The following CRIM1 variants were observed in gnomAD, a reference collection of about 807,000 sequenced individuals.
CRIM1 encodes the protein cysteine rich transmembrane BMP regulator 1.
CRIM1 carries 32 observed loss-of-function variants against 116.4 expected under a neutral mutation model. The observed-to-expected ratio is 0.27, with a 90% CI of 0.21 to 0.37. CRIM1 has a LOEUF of 0.37. CRIM1 is among the 10% of genes least tolerant of loss of function. CRIM1 has a pLI of 1.00. For missense variants in CRIM1, 1,331 were observed against 1,354.8 expected, an observed-to-expected ratio of 0.98 and a Z score of 0.28; for synonymous variants, 590 against 509.2, an observed-to-expected ratio of 1.16 and a Z score of -2.13.
chr2:36,535,113 G>T (rs563239457), intron 13 of CRIM1, among the ~76,000 whole-genome samples: 70 of 126,706 alleles, frequency 5.5e-4, no homozygotes, highest in African/African-American at 2.3e-3. Context: ...GAGAGGGAAG[G>T]AGGGAGGGAG....
At chr2:36,427,007 C>T (rs1368431006) in intron 2 of CRIM1, among the ~76,000 whole-genome samples, 1 of 151,968 alleles carries the variant, frequency 6.6e-6, no homozygotes, top group Non-Finnish European at 1.5e-5. Context: ...TCAAGACCAG[C>T]CTGACTAACA....
rs112365471 is a variant in CRIM1 at position 36,357,481 on chromosome 2, A to AT, written c.331+860dup. On this transcript the variant is annotated intron_variant, in intron 1 of 16. Coordinates refer to ENST00000280527, the MANE Select transcript of CRIM1 (RefSeq NM_016441.3). ...TCGAGATTGACGGTGGGAGAAACAGATTAGATTAGTGGAGTCTTTCTCGTT... is the reference window on the plus strand; with the variant it reads ...TCGAGATTGACGGTGGGAGAAACAGATTTAGATTAGTGGAGTCTTTCTCGTT... 2.8e-3 allele frequency among the ~76,000 whole-genome samples: 420 copies of AT among 151,840 alleles called. 2 individuals carry two copies. Among genetic ancestry groups the AT allele is most frequent in the African/African-American group, 9.4e-3 (390 of 41,368 alleles).
intron 14 of CRIM1, among the ~76,000 whole-genome samples, chr2:36,538,003 A>T (rs912658225): frequency 7.2e-5 from 11 of 152,074 alleles, no homozygotes; most frequent in Admixed American, 1.3e-4. Context: ...TTTTTACTTC[A>T]TCAGTTCCAG....
intron 12 of CRIM1, among the ~76,000 whole-genome samples, chr2:36,520,014 G>T (rs571528952): frequency 6.6e-6 from 1 of 152,322 alleles, no homozygotes; most frequent in African/African-American, 2.4e-5. Flanking sequence ...GTAAAGAAAA[G>T]GGTCTAGAGC....
At chr2:36,477,957 G>A (rs980768360) in intron 6 of CRIM1, among the ~76,000 whole-genome samples, 3 of 152,154 alleles carry the variant, frequency 2.0e-5, no homozygotes, top group Non-Finnish European at 4.4e-5. Context: ...CAGAAAGGAA[G>A]GTCTTGTGAG....
At chr2:36,476,848 A>T in intron 5 of CRIM1, 41 bp from the exon 6 acceptor site, 1 of 1,532,258 alleles carries the variant, frequency 6.5e-7, no homozygotes, top group East Asian at 2.3e-5. Context: ...ACAACTAAAA[A>T]ATGACTACAA....
At chr2:36,445,916 T>A (rs1445700992) in intron 4 of CRIM1, among the ~76,000 whole-genome samples, 1 of 152,194 alleles carries the variant, frequency 6.6e-6, no homozygotes, top group African/African-American at 2.4e-5. Context: ...AGAAGAAGAT[T>A]ATAGAACATA....
intron 5 of CRIM1, among the ~76,000 whole-genome samples, chr2:36,469,252 A>T (rs1359639305): frequency 6.6e-6 from 1 of 152,174 alleles, no homozygotes; most frequent in Non-Finnish European, 1.5e-5. Flanking sequence ...AGCCAAAAGC[A>T]ACTTCAGGGG....
intron 1 of CRIM1, among the ~76,000 whole-genome samples, chr2:36,388,670 C>T (rs887497332): frequency 1.3e-5 from 2 of 152,118 alleles, no homozygotes; most frequent in African/African-American, 2.4e-5. Context: ...GCTGTTTCTT[C>T]GTATGCAGTT....
At chr2:36,386,894 G>A (rs920178678) in intron 1 of CRIM1, among the ~76,000 whole-genome samples, 4 of 152,108 alleles carry the variant, frequency 2.6e-5, no homozygotes, top group African/African-American at 9.7e-5. Flanking sequence ...AGCTTTCTAG[G>A]CAGAGAGAAC....
intron 8 of CRIM1, among the ~76,000 whole-genome samples, chr2:36,501,136 C>T (rs1444322878): frequency 6.6e-6 from 1 of 152,166 alleles, no homozygotes; most frequent in Non-Finnish European, 1.5e-5. Flanking sequence ...TTTCCATTCT[C>T]TTCGATCTCT....
intron 13 of CRIM1, among the ~76,000 whole-genome samples, chr2:36,530,922 C>G (rs1666072106): frequency 1.3e-5 from 2 of 152,214 alleles, no homozygotes; most frequent in Admixed American, 1.3e-4. Flanking sequence ...GCAGGAGCGT[C>G]TCCTGAGGAC....
At chr2:36,363,539 C>CCCG (rs1553364359) in intron 1 of CRIM1, among the ~76,000 whole-genome samples, 3 of 144,714 alleles carry the variant, frequency 2.1e-5, no homozygotes, top group Non-Finnish European at 4.7e-5. Context: ...GCCCCCCCCC[C>CCCG]CCATGACTAT....
chr2:36,359,319 C>G (rs918904824), intron 1 of CRIM1, among the ~76,000 whole-genome samples: 3 of 152,168 alleles, frequency 2.0e-5, no homozygotes, highest in African/African-American at 7.2e-5. Flanking sequence ...TGACTAATCT[C>G]CCTGCTTTCG....
Position 36,444,232 on chromosome 2 carries a change from G to A in CRIM1, c.869+1497G>A, listed in dbSNP as rs188562622. Among the ~76,000 whole-genome samples, 33 of 152,272 alleles carry A rather than the reference G, an allele frequency of 2.2e-4. No individual in the cohort carries two copies. The East Asian group carries it at 6.0e-3, about 28-fold the overall frequency. On this transcript the variant is annotated intron_variant, in intron 4 of 16. Transcript: ENST00000280527. ...AGAGCCATCTGCACATAGGAGGCAC[G>A]GTCAGCTATTTTTTCAGTCACTCTA...
intron 15 of CRIM1, 45 bp downstream of exon 15, chr2:36,544,543 C>A: frequency 7.6e-7 from 1 of 1,313,466 alleles, no homozygotes; most frequent in South Asian, 3.1e-5. Context: ...TCTATGTGGT[C>A]TACTTAGGTG....
At chr2:36,486,813 A>T (rs901861196) in intron 7 of CRIM1, among the ~76,000 whole-genome samples, 2 of 152,192 alleles carry the variant, frequency 1.3e-5, no homozygotes, top group African/African-American at 2.4e-5. Flanking sequence ...TGAATGAAAA[A>T]TATTTAGTCA....
chr2:36,507,919 G>A lies in CRIM1; in HGVS notation c.1502-2064G>A, dbSNP rs142410160. Among the ~76,000 whole-genome samples, 369 of 152,308 alleles carry A rather than the reference G, an allele frequency of 2.4e-3. No homozygotes were observed. The Middle Eastern group carries it at 0.044, about 18-fold the overall frequency. On this transcript the variant is annotated intron_variant, in intron 8 of 16. Transcript: ENST00000280527. Reference sequence around the variant, plus strand: ...TCCCAAGGGATGTTGACTGACTCTGGGAGGTTTTCAGGGTGTTTTTAATTC... The same window carrying A: ...TCCCAAGGGATGTTGACTGACTCTGAGAGGTTTTCAGGGTGTTTTTAATTC...
intron 1 of CRIM1, among the ~76,000 whole-genome samples, chr2:36,383,612 T>C (rs1183024695): frequency 6.6e-6 from 1 of 152,128 alleles, no homozygotes; most frequent in Non-Finnish European, 1.5e-5. Flanking sequence ...AGAGTGAGTA[T>C]AGAAATGAGG....
Sources: allele counts gnomAD v4.1 joint callset (sites outside exome capture counted in the v4.1 genomes callset), GRCh38; gene constraint gnomAD v4.1.1; transcripts MANE v1.5; gene names NCBI Gene and HGNC (gene_info 2026-07-23, HGNC 2026-07-21).